CCDC57: variants seen among roughly 807,000 people sequenced by gnomAD.
CCDC57 encodes the protein coiled-coil domain-containing protein 57.
In CCDC57, 118 loss-of-function variants were observed where a neutral mutation model predicts 118.9. The ratio of observed to expected loss-of-function variants is 0.99; its 90% CI spans 0.86 to 1.16. The LOEUF (loss-of-function observed/expected upper bound fraction) is 1.16, where lower values mean the gene tolerates loss of function less well. Among genes scored for constraint, CCDC57 ranks in the 50% most tolerant of loss-of-function variants. The pLI is 0.00. For synonymous variants in CCDC57, 527 were observed against 532.9 expected, an observed-to-expected ratio of 0.99 and a Z score of 0.15; for missense variants, 1,300 against 1,320.7, an observed-to-expected ratio of 0.98 and a Z score of 0.24.
At position 82,103,884 on chromosome 17, in the gene CCDC57, C is replaced by T. The variant is rs180953935; in HGVS notation, c.2900-2018G>A. Among the ~76,000 whole-genome samples, 19 of 152,224 alleles carry T rather than the reference C, an allele frequency of 1.2e-4. No individual in the cohort carries two copies. The East Asian group carries it at 2.5e-3, about 20-fold the overall frequency. ...AGCTGGCCCCCTCCCCAGGGCAGGC[C>T]GGCCCCTAGCTCAGAATATCCACTT... On this transcript the variant is annotated intron_variant, in intron 19 of 19. Transcript: ENST00000665763.
At position 82,128,131 on chromosome 17, in the gene CCDC57, T is replaced by A. The variant is rs150007924; in HGVS notation, c.2683-223A>T. Among the ~76,000 whole-genome samples the A allele has an allele frequency of 7.9e-5, 12 of 152,208 alleles. No individual in the cohort carries two copies. In the South Asian group the frequency reaches 2.3e-3, roughly 29 times the overall value. ...ACGCTGAGTGTGGGCAGGGCCTGAA[T>A]CTCAGTGCTCGTCTCAACACTTAAA... On this transcript the variant is annotated intron_variant, in intron 18 of 19. Transcript: ENST00000665763.
Position 82,143,416 on chromosome 17 carries a change from G to A in CCDC57, c.2455+8144C>T, listed in dbSNP as rs536122091. Among the ~76,000 whole-genome samples, 5 of 152,294 alleles carry A rather than the reference G, an allele frequency of 3.3e-5. No homozygotes were observed. The East Asian group carries it at 9.6e-4, about 29-fold the overall frequency. On this transcript the variant is annotated intron_variant, in intron 16 of 19. Coordinates refer to ENST00000665763, the Ensembl canonical transcript of CCDC57. The stretch of plus-strand genomic sequence containing the variant: ...CTGGTCAAGATACTGAAACCATCCA[G>A]TGGTTCCAGACAGCGACCTTTGAGG...
chr17:82,121,481 C>T (rs1180712596), intron 19 of CCDC57, among the ~76,000 whole-genome samples: 2 of 152,228 alleles, frequency 1.3e-5, no homozygotes, highest in Non-Finnish European at 2.9e-5. Context: ...GGCAACATGA[C>T]CCCCACAGCC....
At position 82,171,959 on chromosome 17, in the gene CCDC57, C is replaced by T. The variant is rs2044800499; in HGVS notation, c.1730-106G>A. ...GCCGATGCCAGCTCATGCCCGCCAG[C>T]TTCACTGTCCCTGTCCTCCTCACAC... On this transcript the variant is annotated intron_variant, in intron 12 of 19. Transcript: ENST00000665763. 60 of 1,186,584 alleles carry T rather than the reference C, an allele frequency of 5.1e-5. No homozygotes were observed. In the South Asian group the frequency reaches 8.0e-4, roughly 16 times the overall value. 73.5% of individuals were successfully genotyped at this position (1,186,584 alleles called of 1,614,324 possible). A position where few individuals can be genotyped will look rare whatever the true frequency, so the allele number is the denominator to read the frequency against.
At chr17:82,113,293 T>C (rs1037810943) in intron 19 of CCDC57, 20 of 661,278 alleles carry the variant, frequency 3.0e-5, no homozygotes, top group African/African-American at 2.7e-4. Context: ...CACTGGTTCT[T>C]GGATTCCTGT....
chr17:82,183,825 T>C, exon 9 of CCDC57: 7 of 1,604,002 alleles, frequency 4.4e-6, no homozygotes, highest in Non-Finnish European at 6.0e-6. Flanking sequence ...CTTCACCTCT[T>C]CTTCCTGCAG....
chr17:82,156,715 G>A (rs929454776), intron 15 of CCDC57: 2 of 152,404 alleles, frequency 1.3e-5, no homozygotes, highest in African/African-American at 4.8e-5. Context: ...TAGGGCCTCA[G>A]GCTCCCTCGG....
In CCDC57 at chr17:82,151,547, T is replaced by G. The variant is rs2042074399; in HGVS notation, c.2455+13A>C. 6.5e-7 allele frequency: 1 copy of G among 1,549,624 alleles called. No individual in the cohort carries two copies. Among genetic ancestry groups the G allele is most frequent in the South Asian group, 1.2e-5 (1 of 84,050 alleles). On this transcript the variant is annotated intron_variant, in intron 16 of 19. Coordinates refer to ENST00000665763, the Ensembl canonical transcript of CCDC57. Reference sequence around the variant, plus strand: ...CCCACACTCAGGCCATGGCCTCCACTTCCCGGACTCACTTTCGGGTCGGCC... The same window carrying G: ...CCCACACTCAGGCCATGGCCTCCACGTCCCGGACTCACTTTCGGGTCGGCC...
exon 19 of CCDC57, chr17:82,127,726 A>G: frequency 6.2e-7 from 1 of 1,610,288 alleles, no homozygotes. Context: ...TGACACCAGA[A>G]GGGCTGGATC....
intron 19 of CCDC57, among the ~76,000 whole-genome samples, chr17:82,119,110 GGGAGTGGGGGCA>G (rs2036313008): frequency 2.3e-5 from 1 of 43,688 alleles, no homozygotes; most frequent in Admixed American, 2.7e-4. Flanking sequence ...GGGTGGGGGT[GGGAGTGGGGGCA>G]GGGGTGGGGG....
chr17:82,193,700 C>T (rs2047953093), intron 7 of CCDC57, 56 bp downstream of exon 6: 2 of 1,483,906 alleles, frequency 1.3e-6, no homozygotes, highest in African/African-American at 2.8e-5. Context: ...GTTCCACTTC[C>T]CTCCTCTCCT....
At chr17:82,115,043 C>T (rs961611158) in intron 19 of CCDC57, among the ~76,000 whole-genome samples, 4 of 152,230 alleles carry the variant, frequency 2.6e-5, no homozygotes, top group Non-Finnish European at 5.9e-5. Context: ...TCACCCTGTG[C>T]ATGGGCACCT....
intron 9 of CCDC57, among the ~76,000 whole-genome samples, chr17:82,179,570 G>T (rs566673152): frequency 6.6e-6 from 1 of 152,254 alleles, no homozygotes; most frequent in Admixed American, 6.5e-5. Context: ...CCACGGGGTG[G>T]GCAGGGCTGG....
At chr17:82,198,362 C>T in exon 4 of CCDC57, 3 of 1,613,742 alleles carry the variant, frequency 1.9e-6, no homozygotes, top group Non-Finnish European at 1.7e-6. Flanking sequence ...GTTTTCTCTC[C>T]AGTGTCCATT....
Position 82,187,130 on chromosome 17 carries a change from G to C in CCDC57, c.1052+1089C>G, listed in dbSNP as rs376593541. ...TATATGCCCGTAATGCCAGCTACTT[G>C]GGAGGCTGAGGCAGGAGAATCGCTT... On this transcript the variant is annotated intron_variant, in intron 8 of 19. Transcript: ENST00000665763. Among the ~76,000 whole-genome samples, 179 of 150,856 alleles carry C rather than the reference G, an allele frequency of 1.2e-3. 2 individuals are homozygous for C. Among genetic ancestry groups the C allele is most frequent in the African/African-American group, 4.0e-3 (164 of 41,084 alleles).
Position 82,101,740 on chromosome 17 carries a change from G to A in CCDC57, c.3026C>T (p.Ala1009Val), listed in dbSNP as rs1339600084. 10 of 1,608,830 alleles carry A rather than the reference G, an allele frequency of 6.2e-6. No individual in the cohort carries two copies. The highest frequency in any genetic ancestry group is 2.2e-5 in the East Asian group (1 of 44,700). Residue 1009 changes from alanine to valine, a missense_variant, in exon 20 of 20, where the codon GCA (alanine) becomes GTA (valine). By Grantham distance (64) the Ala-to-Val change is moderately conservative (BLOSUM62 0). Transcript: ENST00000665763. ...GGGCCTCTGGCAGCCTTTAGCTTTTGCAGGATGAGACCGGGAGGCTCCTGT... is the reference window on the plus strand; with the variant it reads ...GGGCCTCTGGCAGCCTTTAGCTTTTACAGGATGAGACCGGGAGGCTCCTGT...
chr17:82,144,062 A>G (rs1568241974), intron 16 of CCDC57, among the ~76,000 whole-genome samples: 1 of 151,664 alleles, frequency 6.6e-6, no homozygotes, highest in Non-Finnish European at 1.5e-5. Flanking sequence ...TCTCAAAAAC[A>G]AAACAAAACA....
Position 82,201,426 on chromosome 17 carries a change from C to CGGGA in CCDC57, c.407+108_407+111dup, listed in dbSNP as rs749566749. On this transcript the variant is annotated intron_variant, in intron 3 of 19. Coordinates refer to ENST00000665763, the Ensembl canonical transcript of CCDC57. Reference sequence around the variant, plus strand: ...AGCTCCCGTGGCCTGGAATCAGCAGCGGGAGGAGGGGCAGTGAGAGTGGGC... The same window carrying CGGGA: ...AGCTCCCGTGGCCTGGAATCAGCAGCGGGAGGGAGGAGGGGCAGTGAGAGTGGGC... The CGGGA allele has an allele frequency of 6.3e-5, 83 of 1,310,768 alleles. 1 individual carries two copies. Among genetic ancestry groups the CGGGA allele is most frequent in the Non-Finnish European group, 8.2e-5 (81 of 983,768 alleles). The allele number at this position is 1,310,768 out of a possible 1,614,324, so 81.2% of individuals were successfully genotyped here.
chr17:82,126,320 G>T, intron 19 of CCDC57: 2 of 789,796 alleles, frequency 2.5e-6, no homozygotes, highest in Non-Finnish European at 3.1e-6. Context: ...AAAAAACAAG[G>T]ACATTAAATT....
Sources: gnomAD v4.1 joint callset for allele counts (sites outside exome capture counted in the v4.1 genomes callset) on GRCh38, gnomAD v4.1.1 for gene constraint, MANE v1.5 for transcripts, NCBI Gene and HGNC (gene_info 2026-07-23, HGNC 2026-07-21) for gene names.